The following XIRP2 variants were observed in gnomAD, a reference collection of about 807,000 sequenced individuals.
The protein encoded by XIRP2 is xin actin-binding repeat-containing protein 2.
A neutral mutation model predicts 277.0 loss-of-function variants in XIRP2; 236 were observed. The ratio of observed to expected loss-of-function variants is 0.85; its 90% CI spans 0.77 to 0.95. The LOEUF (loss-of-function observed/expected upper bound fraction) is 0.95, where lower values mean the gene tolerates loss of function less well. Ranked by LOEUF, XIRP2 falls within the 40% of genes least tolerant of loss-of-function variation. The pLI, the probability that XIRP2 is intolerant of heterozygous loss-of-function variation, is 0.00. For missense variants in XIRP2, 4,640 were observed against 4,157.5 expected (o/e 1.12, Z -3.19); for synonymous variants, 1,490 against 1,416.5 (o/e 1.05, Z -1.17).
At chr2:166,928,601 T>A (rs1685248926) in intron 2 of XIRP2, among the ~76,000 whole-genome samples, 1 of 152,300 alleles carries the variant, frequency 6.6e-6, no homozygotes, top group East Asian at 1.9e-4. Flanking sequence ...CAGATGTATA[T>A]TGCTTTTTAG....
intron 3 of XIRP2, among the ~76,000 whole-genome samples, chr2:167,137,423 C>T (rs975388092): frequency 6.6e-6 from 1 of 151,912 alleles, no homozygotes; most frequent in African/African-American, 2.4e-5. Flanking sequence ...TAGCAGAGGC[C>T]AAGGAAAAAG....
At chr2:167,206,932 G>T (rs1047633830) in intron 3 of XIRP2, among the ~76,000 whole-genome samples, 9 of 152,238 alleles carry the variant, frequency 5.9e-5, no homozygotes, top group African/African-American at 2.2e-4. Flanking sequence ...AAATAAGATT[G>T]TGACAATCAC....
At chr2:167,191,331 G>T (rs1308561430) in intron 3 of XIRP2, among the ~76,000 whole-genome samples, 1 of 152,162 alleles carries the variant, frequency 6.6e-6, no homozygotes, top group Non-Finnish European at 1.5e-5. Context: ...AGACTAGCTA[G>T]TAACTCATAC....
chr2:167,044,006 C>T (rs927143569), intron 2 of XIRP2, among the ~76,000 whole-genome samples: 6 of 151,948 alleles, frequency 3.9e-5, no homozygotes, highest in Admixed American at 1.3e-4. Flanking sequence ...TCCTGATGAA[C>T]ATAGATGCAA....
intron 2 of XIRP2, among the ~76,000 whole-genome samples, chr2:167,067,208 T>C (rs1472362427): frequency 6.6e-6 from 1 of 152,074 alleles, no homozygotes; most frequent in Non-Finnish European, 1.5e-5. Context: ...TACTTGATGG[T>C]CTGTTTATTT....
chr2:166,983,750 G>T (rs1686932210), intron 2 of XIRP2, among the ~76,000 whole-genome samples: 1 of 152,180 alleles, frequency 6.6e-6, no homozygotes, highest in Non-Finnish European at 1.5e-5. Context: ...GGGGAGACAT[G>T]GGACTCATCT....
At chr2:167,196,097 C>T (rs977979069) in intron 3 of XIRP2, among the ~76,000 whole-genome samples, 1 of 152,004 alleles carries the variant, frequency 6.6e-6, no homozygotes, top group East Asian at 1.9e-4. Context: ...TAATACTCAA[C>T]ATCATTTATT....
intron 2 of XIRP2, among the ~76,000 whole-genome samples, chr2:167,064,792 A>G (rs1045632940): frequency 2.6e-5 from 4 of 151,808 alleles, no homozygotes; most frequent in South Asian, 4.1e-4. Context: ...ACTTAGTACA[A>G]TTTTCTCCCA....
rs1285823822 is a variant in XIRP2 at position 167,251,785 on chromosome 2, C to T, written c.10393C>T (p.His3465Tyr). Residue 3465 changes from histidine (H) to tyrosine (Y), a missense_variant, in exon 9 of 11, where the codon CAT (histidine) becomes TAT (tyrosine). Transcript: ENST00000409195. ...PPTYEDVIAGHILDISDSPKE... is the reference protein window; with the variant it reads ...PPTYEDVIAGYILDISDSPKE... Reference sequence around the variant, plus strand: ...AACCTATGAGGATGTCATTGCTGGACATATTTTAGATATCTCTGATTCACC... The same window carrying T: ...AACCTATGAGGATGTCATTGCTGGATATATTTTAGATATCTCTGATTCACC... 2 of 1,613,332 alleles carry T rather than the reference C, an allele frequency of 1.2e-6. No homozygotes were observed. The highest frequency in any genetic ancestry group is 1.7e-6 in the Non-Finnish European group (2 of 1,179,572).
At chr2:167,176,613 G>T (rs1238081639) in intron 3 of XIRP2, among the ~76,000 whole-genome samples, 1 of 152,128 alleles carries the variant, frequency 6.6e-6, no homozygotes, top group Non-Finnish European at 1.5e-5. Flanking sequence ...TGGACATCTT[G>T]TGTAAAGAAC....
intron 2 of XIRP2, among the ~76,000 whole-genome samples, chr2:167,026,751 ATTCTT>A (rs1247829989): frequency 1.3e-5 from 2 of 151,902 alleles, no homozygotes; most frequent in African/African-American, 4.8e-5. Context: ...TGGGTTGAAA[ATTCTT>A]TTCTTTAAGA....
At chr2:167,094,766 A>T (rs566174673) in intron 2 of XIRP2, among the ~76,000 whole-genome samples, 1 of 152,034 alleles carries the variant, frequency 6.6e-6, no homozygotes, top group South Asian at 2.1e-4. Flanking sequence ...CTCCAGCTTT[A>T]TTCTTTTTGC....
intron 3 of XIRP2, among the ~76,000 whole-genome samples, chr2:167,139,955 T>C (rs1691662485): frequency 6.6e-6 from 1 of 152,202 alleles, no homozygotes; most frequent in South Asian, 2.1e-4. Flanking sequence ...TCTACCGTTT[T>C]CATAAGAGTT....
chr2:167,220,569 C>T (rs963998354), intron 5 of XIRP2, among the ~76,000 whole-genome samples: 1 of 152,170 alleles, frequency 6.6e-6, no homozygotes, highest in Non-Finnish European at 1.5e-5. Flanking sequence ...ACTTCCACTG[C>T]GTTGGCCCCA....
chr2:166,945,232 A>G (rs1457911241), intron 2 of XIRP2, among the ~76,000 whole-genome samples: 1 of 152,144 alleles, frequency 6.6e-6, no homozygotes, highest in Non-Finnish European at 1.5e-5. Context: ...ACAAAAGCAA[A>G]TAGCTACACA....
intron 2 of XIRP2, among the ~76,000 whole-genome samples, chr2:166,953,514 T>G (rs533241889): frequency 3.9e-5 from 6 of 152,004 alleles, no homozygotes; most frequent in Non-Finnish European, 8.8e-5. Flanking sequence ...CTAATACCTG[T>G]GTCTTCAAGA....
chr2:166,955,974 T>C (rs2105401438), intron 2 of XIRP2, among the ~76,000 whole-genome samples: 1 of 152,028 alleles, frequency 6.6e-6, no homozygotes, highest in East Asian at 1.9e-4. Context: ...AATATTCTCA[T>C]GCTCAGCTAT....
At chr2:167,231,126 T>C (rs1694735975) in intron 5 of XIRP2, among the ~76,000 whole-genome samples, 1 of 152,120 alleles carries the variant, frequency 6.6e-6, no homozygotes. Flanking sequence ...TTTGTGCAGA[T>C]AACCTTGCAA....
intron 2 of XIRP2, among the ~76,000 whole-genome samples, chr2:167,086,405 C>A (rs1689944787): frequency 6.6e-6 from 1 of 152,122 alleles, no homozygotes; most frequent in Non-Finnish European, 1.5e-5. Context: ...TTTGGTGAAT[C>A]TGACAATTAT....
Sources: gnomAD v4.1 joint callset for allele counts (sites outside exome capture counted in the v4.1 genomes callset) on GRCh38, gnomAD v4.1.1 for gene constraint, MANE v1.5 for transcripts, NCBI Gene and HGNC (gene_info 2026-07-23, HGNC 2026-07-21) for gene names.